Variants in SH3BP5 observed in about 807,000 individuals in gnomAD.
The protein encoded by SH3BP5 is SH3 domain-binding protein 5.
In SH3BP5, 22 loss-of-function variants were observed where a neutral mutation model predicts 43.3. That is an observed-to-expected ratio of 0.51 (90% CI 0.36 to 0.73). SH3BP5 has a LOEUF of 0.73. Among genes scored for constraint, SH3BP5 ranks in the 30% least tolerant of loss-of-function variants. The pLI, the probability that SH3BP5 is intolerant of heterozygous loss-of-function variation, is 0.00. For synonymous variants in SH3BP5, 255 were observed against 225.8 expected (o/e 1.13, Z -1.16); for missense variants, 529 against 586.9 (o/e 0.90, Z 1.02).
chr3:15,282,696 T>C (rs924538192), intron 3 of SH3BP5, among the ~76,000 whole-genome samples: 9 of 151,406 alleles, frequency 5.9e-5, no homozygotes, highest in Admixed American at 6.6e-5. Context: ...AAAACTAATT[T>C]TGTTAGGTGT....
At position 15,259,742 on chromosome 3, in the gene SH3BP5, A is replaced by T. The variant is rs763863292; in HGVS notation, c.669+19T>A. 6.2e-7 allele frequency: 1 copy of T among 1,613,548 alleles called. No homozygotes were observed. Among genetic ancestry groups the T allele is most frequent in the Non-Finnish European group, 8.5e-7 (1 of 1,179,450 alleles). On this transcript the variant is annotated intron_variant, in intron 6 of 8. Coordinates refer to ENST00000383791, the MANE Select transcript of SH3BP5 (RefSeq NM_004844.5). Reference sequence around the variant, plus strand: ...TGCAGAAAAATCTCATCAGTGACGAAGCCCAAAGCTACACATACCTCGAGC... The same window carrying T: ...TGCAGAAAAATCTCATCAGTGACGATGCCCAAAGCTACACATACCTCGAGC...
intron 2 of SH3BP5, among the ~76,000 whole-genome samples, chr3:15,318,297 T>C (rs1168224470): frequency 6.6e-6 from 1 of 152,188 alleles, no homozygotes. Context: ...CCAGGTACCA[T>C]GCCAGACACT....
At chr3:15,332,159 C>T in intron 1 of SH3BP5, 112 bp downstream of exon 1, 1 of 1,490,758 alleles carries the variant, frequency 6.7e-7, no homozygotes, top group Non-Finnish European at 9.0e-7. Flanking sequence ...TATGTGGCCG[C>T]CAGTCCCCGG....
At chr3:15,333,173 C>A (rs1278321648), upstream of SH3BP5, 30 of 985,264 alleles carry the variant, frequency 3.0e-5, no homozygotes, top group Non-Finnish European at 3.6e-5. Context: ...CACACTCTGG[C>A]CAAGAATTTA....
intron 6 of SH3BP5, chr3:15,259,481 A>G (rs1559424020): frequency 1.1e-5 from 6 of 563,792 alleles, no homozygotes; most frequent in South Asian, 2.0e-5. Context: ...GACCTGGTCT[A>G]TCAGGTCTCC....
At chr3:15,257,236 G>T in intron 7 of SH3BP5, 123 bp from the exon 8 acceptor site, 1 of 989,172 alleles carries the variant, frequency 1.0e-6, no homozygotes, top group Non-Finnish European at 1.5e-6. Context: ...CTCTGTGAGT[G>T]CCTAATGAAG....
In SH3BP5 at chr3:15,310,798, T is replaced by C. The variant is rs1003670607; in HGVS notation, c.202-6567A>G. 1.3e-5 allele frequency among the ~76,000 whole-genome samples: 2 copies of C among 152,148 alleles called. 1 individual carries two copies. Among genetic ancestry groups the C allele is most frequent in the South Asian group, 4.1e-4 (2 of 4,828 alleles). On this transcript the variant is annotated intron_variant, in intron 2 of 8. Coordinates refer to ENST00000383791, the MANE Select transcript of SH3BP5 (RefSeq NM_004844.5). ...TTAGGTGACTCAGACTGAAGGTAAT[T>C]TATTCAAGCAAAGAATTGCTGGGGG... is the stretch of plus-strand genomic sequence containing the variant.
intron 3 of SH3BP5, among the ~76,000 whole-genome samples, chr3:15,284,679 C>T (rs1022587768): frequency 2.6e-5 from 4 of 152,224 alleles, no homozygotes; most frequent in African/African-American, 7.2e-5. Context: ...GTACCTCACA[C>T]AACAGCTTGG....
Position 15,327,524 on chromosome 3 carries a change from A to G in SH3BP5, c.201+2980T>C, listed in dbSNP as rs1698494743. Among the ~76,000 whole-genome samples, 3 of 152,332 alleles carry G rather than the reference A, an allele frequency of 2.0e-5. No individual in the cohort carries two copies. The South Asian group carries it at 6.2e-4, about 32-fold the overall frequency. On this transcript the variant is annotated intron_variant, in intron 2 of 8. Transcript: ENST00000383791. Reference sequence around the variant, plus strand: ...TCACTCCACCTGTTCTTCTGCAAACAGAGGCTCCCCTGCAGGCATCTGCTC... The same window carrying G: ...TCACTCCACCTGTTCTTCTGCAAACGGAGGCTCCCCTGCAGGCATCTGCTC...
intron 4 of SH3BP5, among the ~76,000 whole-genome samples, chr3:15,266,782 G>T (rs1696657397): frequency 6.6e-6 from 1 of 152,018 alleles, no homozygotes; most frequent in Non-Finnish European, 1.5e-5. Flanking sequence ...TGGCCTAACA[G>T]AGCACACCAG....
intron 3 of SH3BP5, among the ~76,000 whole-genome samples, chr3:15,294,378 G>A (rs1000215422): frequency 2.0e-5 from 3 of 151,528 alleles, no homozygotes; most frequent in Non-Finnish European, 4.4e-5. Flanking sequence ...AAAACACTTA[G>A]AAAGTGCCTG....
intron 3 of SH3BP5, among the ~76,000 whole-genome samples, chr3:15,283,227 G>A (rs1031511027): frequency 3.3e-5 from 5 of 152,108 alleles, no homozygotes; most frequent in African/African-American, 7.2e-5. Flanking sequence ...GCAAAACCCC[G>A]TCTCTACTAA....
At position 15,295,186 on chromosome 3, in the gene SH3BP5, T is replaced by C. The variant is rs1697534449; in HGVS notation, c.330+8917A>G. Among the ~76,000 whole-genome samples the C allele has an allele frequency of 2.0e-5, 3 of 152,240 alleles. No homozygotes were observed. The South Asian group carries it at 6.2e-4, about 32-fold the overall frequency. On this transcript the variant is annotated intron_variant, in intron 3 of 8. Transcript: ENST00000383791. ...GCACTAACAAATAAGCCTCTCCATG[T>C]GGCTCTTGGCAAATACAGTCAGTCC...
intron 3 of SH3BP5, among the ~76,000 whole-genome samples, chr3:15,278,836 A>G (rs6783286): frequency 0.041 from 6,252 of 152,222 alleles, 424 homozygotes; most frequent in African/African-American, 0.14. Context: ...GGAGTTTTTC[A>G]TTATTTCTAT....
At chr3:15,324,709 G>A (rs1021210071) in intron 2 of SH3BP5, among the ~76,000 whole-genome samples, 2 of 152,120 alleles carry the variant, frequency 1.3e-5, no homozygotes, top group East Asian at 1.9e-4. Flanking sequence ...GTGCTGGGAC[G>A]TATCACTGTC....
intron 2 of SH3BP5, among the ~76,000 whole-genome samples, chr3:15,304,811 T>C (rs1339922334): frequency 1.9e-5 from 2 of 105,468 alleles, no homozygotes; most frequent in African/African-American, 8.8e-5. Context: ...CACGACTCTG[T>C]CTCAAAAAAA....
chr3:15,269,429 C>G (rs552394130), intron 4 of SH3BP5, among the ~76,000 whole-genome samples: 1 of 152,270 alleles, frequency 6.6e-6, no homozygotes, highest in South Asian at 2.1e-4. Context: ...CCTCTGGAAG[C>G]CTGAGTCCAG....
intron 4 of SH3BP5, chr3:15,264,276 T>TG (rs1696556488): frequency 7.9e-6 from 1 of 126,116 alleles, no homozygotes; most frequent in African/African-American, 4.7e-5. Context: ...GTAATACAAA[T>TG]GGTTTTTTTT....
chr3:15,334,526 C>G (rs1698678421), upstream of SH3BP5, among the ~76,000 whole-genome samples: 1 of 151,518 alleles, frequency 6.6e-6, no homozygotes, highest in African/African-American at 2.4e-5. Context: ...GCCGGGAGTT[C>G]CAGACCAGCC....
Sources: allele counts gnomAD v4.1 joint callset (sites outside exome capture counted in the v4.1 genomes callset), GRCh38; gene constraint gnomAD v4.1.1; transcripts MANE v1.5; gene names NCBI Gene and HGNC (gene_info 2026-07-23, HGNC 2026-07-21).